Variants in NCK2 observed in about 807,000 individuals in gnomAD.
The protein encoded by NCK2 is cytoplasmic protein NCK2.
NCK2 carries 16 observed loss-of-function variants against 33.9 expected under a neutral mutation model. The observed-to-expected ratio is 0.47, with a 90% CI of 0.32 to 0.72. The LOEUF (loss-of-function observed/expected upper bound fraction) is 0.72, where lower values mean the gene tolerates loss of function less well. NCK2 is among the 30% of genes least tolerant of loss of function. The pLI is 0.03. For synonymous variants in NCK2, 273 were observed against 239.9 expected, an observed-to-expected ratio of 1.14 and a Z score of -1.27; for missense variants, 418 against 537.3, an observed-to-expected ratio of 0.78 and a Z score of 2.19.
At chr2:105,889,148 C>T (rs960224134) in intron 4 of NCK2, among the ~76,000 whole-genome samples, 7 of 152,150 alleles carry the variant, frequency 4.6e-5, no homozygotes, top group African/African-American at 1.7e-4. Context: ...TGTTTTGGGT[C>T]GGGAGTAACT....
chr2:105,851,279 T>C (rs867461155), intron 2 of NCK2, among the ~76,000 whole-genome samples: 49 of 152,060 alleles, frequency 3.2e-4, no homozygotes, highest in Middle Eastern at 3.4e-3. Context: ...TTTTTTTTTT[T>C]CTGAGACGGA....
At chr2:105,879,930 T>G (rs936092244) in intron 3 of NCK2, among the ~76,000 whole-genome samples, 1 of 152,164 alleles carries the variant, frequency 6.6e-6, no homozygotes, top group African/African-American at 2.4e-5. Context: ...CCACACTGAT[T>G]AAGGTAGAGG....
intron 1 of NCK2, among the ~76,000 whole-genome samples, chr2:105,776,991 GC>G: frequency 6.6e-6 from 1 of 151,750 alleles, no homozygotes; most frequent in African/African-American, 2.4e-5. Flanking sequence ...GGGCTGGACA[GC>G]CAAAGGCATC....
At chr2:105,869,373 C>T (rs942939232) in intron 3 of NCK2, among the ~76,000 whole-genome samples, 29 of 152,316 alleles carry the variant, frequency 1.9e-4, no homozygotes, top group African/African-American at 5.3e-4. Flanking sequence ...TCCTCAGTTA[C>T]TGGGCCCTCA....
chr2:105,861,465 CT>C (rs2104601977), intron 3 of NCK2, among the ~76,000 whole-genome samples: 1 of 151,712 alleles, frequency 6.6e-6, no homozygotes, highest in Non-Finnish European at 1.5e-5. Flanking sequence ...TCTGGTATAG[CT>C]ACCTGCTGAA....
At chr2:105,787,287 C>G (rs1690712494) in intron 1 of NCK2, among the ~76,000 whole-genome samples, 2 of 152,224 alleles carry the variant, frequency 1.3e-5, no homozygotes, top group Non-Finnish European at 1.5e-5. Flanking sequence ...AGTCTTCCAC[C>G]TGCAAGTGCA....
At chr2:105,750,072 C>CAA (rs1689408688) in intron 1 of NCK2, among the ~76,000 whole-genome samples, 23 of 64,998 alleles carry the variant, frequency 3.5e-4, no homozygotes, top group African/African-American at 9.8e-4. Flanking sequence ...ACACACAAAA[C>CAA]AACAACAACA....
intron 2 of NCK2, among the ~76,000 whole-genome samples, chr2:105,851,211 C>T (rs1379549225): frequency 6.6e-6 from 1 of 152,098 alleles, no homozygotes; most frequent in Non-Finnish European, 1.5e-5. Flanking sequence ...GTAGGGGGTG[C>T]CTCCTTCATT....
intron 1 of NCK2, among the ~76,000 whole-genome samples, chr2:105,760,734 G>A (rs1051442936): frequency 8.5e-5 from 13 of 152,072 alleles, no homozygotes; most frequent in African/African-American, 3.1e-4. Context: ...GCCAGTCAGG[G>A]CCAGAGTAGG....
intron 3 of NCK2, among the ~76,000 whole-genome samples, chr2:105,859,422 C>G (rs933103245): frequency 1.3e-5 from 2 of 152,200 alleles, no homozygotes; most frequent in African/African-American, 4.8e-5. Context: ...TCCAGCGTCA[C>G]CTGCCCCAGG....
chr2:105,765,364 G>A (rs1233445905), intron 1 of NCK2, among the ~76,000 whole-genome samples: 1 of 152,186 alleles, frequency 6.6e-6, no homozygotes, highest in African/African-American at 2.4e-5. Flanking sequence ...AATGGCCCTT[G>A]AATTTCAGGG....
chr2:105,749,287 A>C (rs910862367), intron 1 of NCK2, among the ~76,000 whole-genome samples: 1 of 152,148 alleles, frequency 6.6e-6, no homozygotes, highest in Admixed American at 6.5e-5. Context: ...CTTCAAGTGC[A>C]CTCAGAATTT....
At chr2:105,777,068 T>C (rs1228072920) in intron 1 of NCK2, among the ~76,000 whole-genome samples, 4 of 151,910 alleles carry the variant, frequency 2.6e-5, no homozygotes. Context: ...AAATGAGGCC[T>C]TGAGAGTTCC....
chr2:105,759,401 C>T (rs773240714), intron 1 of NCK2, among the ~76,000 whole-genome samples: 6 of 152,130 alleles, frequency 3.9e-5, no homozygotes, highest in African/African-American at 7.2e-5. Context: ...AGTGTTTTAA[C>T]GTTTCCAAAG....
intron 1 of NCK2, among the ~76,000 whole-genome samples, chr2:105,806,411 G>A (rs866863440): frequency 2.0e-5 from 3 of 151,924 alleles, no homozygotes; most frequent in Non-Finnish European, 4.4e-5. Context: ...CTAACTTTTT[G>A]TATTTTTAGT....
chr2:105,794,176 G>A (rs1325187545), intron 1 of NCK2, among the ~76,000 whole-genome samples: 1 of 150,880 alleles, frequency 6.6e-6, no homozygotes, highest in Non-Finnish European at 1.5e-5. Flanking sequence ...AGCCTCCCAA[G>A]TAGCTGGGAT....
chr2:105,872,920 GC>G (rs1463523456), intron 3 of NCK2, among the ~76,000 whole-genome samples: 10 of 152,322 alleles, frequency 6.6e-5, no homozygotes, highest in Admixed American at 6.5e-4. Context: ...ACATTCTGAT[GC>G]CCTTCCCGGA....
chr2:105,807,767 TCTCC>T (rs1192040236), intron 1 of NCK2, among the ~76,000 whole-genome samples: 2 of 8,306 alleles, frequency 2.4e-4, no homozygotes, highest in African/African-American at 1.0e-3. Flanking sequence ...CCCTCCCTTC[TCTCC>T]CTCCCTCCCT....
intron 1 of NCK2, among the ~76,000 whole-genome samples, chr2:105,802,084 C>T (rs1558843949): frequency 6.6e-6 from 1 of 152,284 alleles, no homozygotes; most frequent in Admixed American, 6.5e-5. Context: ...GGATGAAGAG[C>T]TGGAAACCTG....
Sources: gnomAD v4.1 joint callset for allele counts (sites outside exome capture counted in the v4.1 genomes callset) on GRCh38, gnomAD v4.1.1 for gene constraint, MANE v1.5 for transcripts, NCBI Gene and HGNC (gene_info 2026-07-23, HGNC 2026-07-21) for gene names.